RTN1: variants seen among roughly 807,000 people sequenced by gnomAD.
RTN1 encodes reticulon 1.
Under a neutral mutation model 65.5 loss-of-function variants are expected in RTN1, and 25 were observed. That is an observed-to-expected ratio of 0.38 (90% CI 0.28 to 0.53). The LOEUF (loss-of-function observed/expected upper bound fraction) is 0.53, where lower values mean the gene tolerates loss of function less well. Among genes scored for constraint, RTN1 ranks in the 20% least tolerant of loss-of-function variants. RTN1 has a pLI of 0.79. For synonymous variants in RTN1, 471 were observed against 447.6 expected, an observed-to-expected ratio of 1.05 and a Z score of -0.66; for missense variants, 983 against 1,025.4, an observed-to-expected ratio of 0.96 and a Z score of 0.57.
chr14:59,679,513 C>T (rs1883700321), intron 3 of RTN1, among the ~76,000 whole-genome samples: 1 of 152,196 alleles, frequency 6.6e-6, no homozygotes, highest in African/African-American at 2.4e-5. Context: ...GCTTATAGTA[C>T]TAGTCATAGG....
At chr14:59,658,572 A>G (rs1031526020) in intron 3 of RTN1, among the ~76,000 whole-genome samples, 1 of 152,314 alleles carries the variant, frequency 6.6e-6, no homozygotes, top group South Asian at 2.1e-4. Context: ...TGCAGCCTCC[A>G]CTGGTGATAC....
intron 2 of RTN1, among the ~76,000 whole-genome samples, chr14:59,736,344 T>A (rs1278577429): frequency 1.3e-5 from 2 of 151,948 alleles, no homozygotes; most frequent in African/African-American, 2.4e-5. Flanking sequence ...AAGGGAGATA[T>A]CACCACTGAC....
At chr14:59,835,732 G>C (rs891568829) in intron 1 of RTN1, among the ~76,000 whole-genome samples, 1 of 152,032 alleles carries the variant, frequency 6.6e-6, no homozygotes, top group Non-Finnish European at 1.5e-5. Flanking sequence ...TTATGTTAAG[G>C]CTGTGATTAT....
chr14:59,770,724 T>G (rs1234542225), intron 1 of RTN1, among the ~76,000 whole-genome samples: 4 of 152,192 alleles, frequency 2.6e-5, no homozygotes, highest in African/African-American at 7.2e-5. Context: ...CCAGGCTCAT[T>G]TCCCTGAAGG....
chr14:59,652,490 A>G (rs904559670), intron 3 of RTN1, among the ~76,000 whole-genome samples: 3 of 152,230 alleles, frequency 2.0e-5, no homozygotes, highest in Non-Finnish European at 4.4e-5. Flanking sequence ...ATCAAATACT[A>G]TGTAGCCATA....
chr14:59,778,200 A>G (rs1886089687), intron 1 of RTN1, among the ~76,000 whole-genome samples: 1 of 152,108 alleles, frequency 6.6e-6, no homozygotes. Flanking sequence ...TTGGCACCAC[A>G]TGGCTTTCAA....
At chr14:59,671,024 A>C (rs1174535027) in intron 3 of RTN1, among the ~76,000 whole-genome samples, 2 of 152,160 alleles carry the variant, frequency 1.3e-5, no homozygotes, top group Non-Finnish European at 2.9e-5. Flanking sequence ...ATGACCATCC[A>C]TCACTCCATC....
intron 1 of RTN1, among the ~76,000 whole-genome samples, chr14:59,768,990 T>A (rs1007327370): frequency 6.6e-6 from 1 of 152,164 alleles, no homozygotes; most frequent in African/African-American, 2.4e-5. Context: ...TTCTGTAGGA[T>A]GTAGGACTTT....
chr14:59,749,106 A>C lies in RTN1; in HGVS notation c.242-2625T>G, dbSNP rs186310021. The stretch of plus-strand genomic sequence containing the variant: ...CCGGGGCATCTATATATATATCTAT[A>C]TATATATATATATATATAGATATAT... On this transcript the variant is annotated intron_variant, in intron 1 of 8. Transcript: ENST00000267484. Among the ~76,000 whole-genome samples, 56 of 53,146 alleles carry C rather than the reference A, an allele frequency of 1.1e-3. 2 individuals carry two copies. Among genetic ancestry groups the C allele is most frequent in the African/African-American group, 4.2e-3 (28 of 6,746 alleles). 34.9% of individuals were successfully genotyped at this position (53,146 alleles called of 152,430 possible).
chr14:59,672,891 C>T (rs932469349), intron 3 of RTN1, among the ~76,000 whole-genome samples: 13 of 151,758 alleles, frequency 8.6e-5, no homozygotes, highest in African/African-American at 2.9e-4. Flanking sequence ...CCACCCGCCT[C>T]GGCCTCCCAA....
chr14:59,772,807 C>T (rs773932242), intron 1 of RTN1, among the ~76,000 whole-genome samples: 3 of 123,158 alleles, frequency 2.4e-5, no homozygotes, highest in Non-Finnish European at 5.1e-5. Flanking sequence ...CAAAAAAGGA[C>T]TGGGTTTTTT....
chr14:59,712,932 A>C lies in RTN1; in HGVS notation c.1765+13987T>G, dbSNP rs985807798. Among the ~76,000 whole-genome samples, 7 of 150,778 alleles carry C rather than the reference A, an allele frequency of 4.6e-5. No individual in the cohort carries two copies. In the East Asian group the frequency reaches 1.2e-3, roughly 25 times the overall value. ...CATCTCAAAAAAAAAAAAAAAAATG[A>C]GTAACTGTATTAGATTCTCCCAAAG... On this transcript the variant is annotated intron_variant, in intron 3 of 8. Transcript: ENST00000267484.
In RTN1 at chr14:59,597,718, T is replaced by C. The variant is rs562420403; in HGVS notation, c.2289-931A>G. 1.8e-4 allele frequency among the ~76,000 whole-genome samples: 28 copies of C among 152,256 alleles called. No homozygotes were observed. In the South Asian group the frequency reaches 5.6e-3, roughly 30 times the overall value. The stretch of plus-strand genomic sequence containing the variant: ...TGGCAGGCAGTGAGGGGCACAGTGG[T>C]AAGGTGTGTACCACCTCTTTTAAAT... On this transcript the variant is annotated intron_variant, in intron 8 of 8. Transcript: ENST00000267484.
intron 1 of RTN1, among the ~76,000 whole-genome samples, chr14:59,767,964 C>T (rs1006067595): frequency 1.6e-4 from 25 of 152,158 alleles, no homozygotes; most frequent in African/African-American, 5.8e-4. Flanking sequence ...CACTGGTTTA[C>T]CTTGCATTAT....
intron 3 of RTN1, among the ~76,000 whole-genome samples, chr14:59,683,973 T>G (rs563229301): frequency 2.0e-5 from 3 of 152,096 alleles, no homozygotes; most frequent in Admixed American, 1.3e-4. Flanking sequence ...AGTAGTAATT[T>G]TAGTGATTGA....
chr14:59,823,604 T>C (rs1013299941), intron 1 of RTN1, among the ~76,000 whole-genome samples: 2 of 152,126 alleles, frequency 1.3e-5, no homozygotes, highest in African/African-American at 4.8e-5. Flanking sequence ...AGGCCCCCCA[T>C]CTCTTCCGGC....
chr14:59,819,885 G>A (rs1229316787), intron 1 of RTN1, among the ~76,000 whole-genome samples: 1 of 152,104 alleles, frequency 6.6e-6, no homozygotes, highest in African/African-American at 2.4e-5. Flanking sequence ...TTGAGCCCGC[G>A]CCCACCCAGA....
intron 1 of RTN1, among the ~76,000 whole-genome samples, chr14:59,832,752 A>T (rs1194511910): frequency 6.6e-6 from 1 of 152,188 alleles, no homozygotes; most frequent in Non-Finnish European, 1.5e-5. Flanking sequence ...CAGAGATGCT[A>T]TGGTGTCATT....
At chr14:59,679,758 A>G (rs1408420268) in intron 3 of RTN1, among the ~76,000 whole-genome samples, 1 of 152,240 alleles carries the variant, frequency 6.6e-6, no homozygotes. Flanking sequence ...CAGACACTTC[A>G]AAGTTCACAG....
Sources: gnomAD v4.1 joint callset for allele counts (sites outside exome capture counted in the v4.1 genomes callset) on GRCh38, gnomAD v4.1.1 for gene constraint, MANE v1.5 for transcripts, NCBI Gene and HGNC (gene_info 2026-07-23, HGNC 2026-07-21) for gene names.